The following COL24A1 variants were observed in gnomAD, a reference collection of about 807,000 sequenced individuals.
The protein encoded by COL24A1 is collagen type XXIV alpha 1 chain, also known as collagen alpha-1(XXIV) chain.
Under a neutral mutation model 253.9 loss-of-function variants are expected in COL24A1, and 224 were observed. The ratio of observed to expected loss-of-function variants is 0.88; its 90% CI spans 0.79 to 0.99. The LOEUF is 0.99. COL24A1 is among the 50% of genes least tolerant of loss of function. The probability of loss-of-function intolerance (pLI) is 0.00; values close to 1 mark genes in which losing one functional copy is unlikely to be tolerated. For synonymous variants in COL24A1, 685 were observed against 673.7 expected, an observed-to-expected ratio of 1.02 and a Z score of -0.26; for missense variants, 2,131 against 2,068.5, an observed-to-expected ratio of 1.03 and a Z score of -0.59.
intron 3 of COL24A1, among the ~76,000 whole-genome samples, chr1:86,116,769 C>G (rs1108308): frequency 6.6e-6 from 1 of 151,950 alleles, no homozygotes; most frequent in South Asian, 2.1e-4. Flanking sequence ...TTTAGTTGCA[C>G]TTTTTTCTCT....
intron 52 of COL24A1, among the ~76,000 whole-genome samples, chr1:85,776,225 T>A (rs1235688930): frequency 6.6e-6 from 1 of 152,198 alleles, no homozygotes; most frequent in East Asian, 1.9e-4. Flanking sequence ...TGTGATTTAA[T>A]TTTCAAGTGT....
At chr1:85,920,914 T>G (rs1686387432) in intron 24 of COL24A1, among the ~76,000 whole-genome samples, 1 of 149,550 alleles carries the variant, frequency 6.7e-6, no homozygotes, top group Admixed American at 6.6e-5. Flanking sequence ...GAAGATTCAT[T>G]GGAGGCAAGA....
chr1:85,744,088 T>C (rs761495669), intron 57 of COL24A1, among the ~76,000 whole-genome samples: 1 of 152,142 alleles, frequency 6.6e-6, no homozygotes, highest in Non-Finnish European at 1.5e-5. Flanking sequence ...GTTTCCCCTG[T>C]TTAACTGATG....
intron 2 of COL24A1, 21 bp from the exon 3 acceptor site, chr1:86,126,235 G>C: frequency 6.4e-7 from 1 of 1,551,248 alleles, no homozygotes. Flanking sequence ...AAAAAAGAGA[G>C]AGAGAAAGAA....
chr1:85,781,315 T>TAA (rs371624881), intron 51 of COL24A1, 42 bp from the exon 52 acceptor site: 2,427 of 1,064,422 alleles, frequency 2.3e-3, no homozygotes, highest in South Asian at 4.6e-3. Flanking sequence ...TTAGTATAAT[T>TAA]AAAAAAAAAA....
chr1:86,128,713 T>C (rs1161724157), intron 2 of COL24A1, among the ~76,000 whole-genome samples: 2 of 152,032 alleles, frequency 1.3e-5, no homozygotes, highest in Non-Finnish European at 2.9e-5. Context: ...ATTCTATTTT[T>C]AGTGGAGCTT....
intron 5 of COL24A1, among the ~76,000 whole-genome samples, chr1:86,108,685 T>C (rs1036267569): frequency 6.8e-6 from 1 of 146,364 alleles, no homozygotes; most frequent in Non-Finnish European, 1.5e-5. Context: ...CACATGCCTG[T>C]AACCCCAGCT....
intron 9 of COL24A1, 46 bp downstream of exon 9, chr1:86,059,075 A>T: frequency 7.5e-7 from 1 of 1,328,420 alleles, no homozygotes; most frequent in Non-Finnish European, 1.1e-6. Flanking sequence ...ACAATGTATT[A>T]ATAAATAGGA....
At chr1:85,978,848 T>A (rs1189929782) in intron 20 of COL24A1, among the ~76,000 whole-genome samples, 1 of 152,142 alleles carries the variant, frequency 6.6e-6, no homozygotes, top group Non-Finnish European at 1.5e-5. Context: ...ACTTAAAAGA[T>A]GTTTACAGAA....
In COL24A1 at chr1:85,734,878, T is replaced by C. The variant is rs2100815520; in HGVS notation, c.4869A>G (p.Leu1623=). Residue 1623 remains leucine (L), a synonymous_variant, in exon 59 of 60, where the codon CTA becomes CTG. Transcript: ENST00000370571. ...EATHIITIHC[L]NTPRWTSTQT... ...GTGTGCTTGTCCACCTTGGGGTGTT[T>C]AGACAGTGAATGGTGATGATATGGG... 6.2e-7 allele frequency: 1 copy of C among 1,614,212 alleles called. No individual in the cohort carries two copies. The highest frequency in any genetic ancestry group is 2.2e-5 in the East Asian group (1 of 44,890).
At chr1:85,765,228 T>C (rs895486413) in intron 53 of COL24A1, among the ~76,000 whole-genome samples, 1 of 152,188 alleles carries the variant, frequency 6.6e-6, no homozygotes, top group Non-Finnish European at 1.5e-5. Flanking sequence ...TGAAGACATA[T>C]TAACTTAGAG....
chr1:86,050,866 A>G lies in COL24A1; in HGVS notation c.1852-689T>C, dbSNP rs142908939. ...CACTTTATTCTAATGTAACTTAGTT[A>G]TATCTCACTTGTGGGAAATAACCCA... On this transcript the variant is annotated intron_variant, in intron 10 of 59. Transcript: ENST00000370571. Among the ~76,000 whole-genome samples, 373 of 152,296 alleles carry G rather than the reference A, an allele frequency of 2.4e-3. 10 individuals are homozygous for G. In the East Asian group the frequency reaches 0.046, roughly 19 times the overall value.
chr1:85,926,486 C>T (rs1687236582), intron 24 of COL24A1, among the ~76,000 whole-genome samples: 1 of 152,102 alleles, frequency 6.6e-6, no homozygotes, highest in Non-Finnish European at 1.5e-5. Flanking sequence ...TACTATGCAG[C>T]CATAAAAAGG....
chr1:86,150,108 T>C (rs1328087281), intron 1 of COL24A1, among the ~76,000 whole-genome samples: 1 of 152,168 alleles, frequency 6.6e-6, no homozygotes, highest in Non-Finnish European at 1.5e-5. Flanking sequence ...AGACCTTGTA[T>C]ATGTCTGAAA....
chr1:86,019,865 T>G (rs1005539742), intron 18 of COL24A1, among the ~76,000 whole-genome samples: 1 of 148,630 alleles, frequency 6.7e-6, no homozygotes, highest in Non-Finnish European at 1.5e-5. Context: ...GCATTTATTG[T>G]GACTTCTTTC....
At chr1:86,064,837 T>C (rs1487079367) in intron 7 of COL24A1, among the ~76,000 whole-genome samples, 2 of 152,152 alleles carry the variant, frequency 1.3e-5, no homozygotes, top group East Asian at 3.8e-4. Context: ...ATTTGAAAAC[T>C]AAAGGAATGA....
Position 86,033,876 on chromosome 1 carries a change from G to C in COL24A1, c.1998C>G (p.Gly666=). 4.4e-6 allele frequency: 7 copies of C among 1,603,446 alleles called. No homozygotes were observed. The highest frequency in any genetic ancestry group is 4.3e-6 in the Non-Finnish European group (5 of 1,175,706). Residue 666 remains glycine, a synonymous_variant, in exon 13 of 60, where the codon GGC becomes GGG. Transcript: ENST00000370571. ...FGDRGPAGLD[G]SPGLVGGTGP... ...ACCAACATAATGTACTCACAGGACT[G>C]CCATCAAGACCAGCAGGGCCTCTGT...
rs200616609 is a variant in COL24A1 at position 86,039,824 on chromosome 1, T to A, written c.1951-5901A>T. ...AAAATCCCTCAAATATAAAACAAGA[T>A]CACTACAGGAAGAGGCTGGAGTGTG... On this transcript the variant is annotated intron_variant, in intron 12 of 59. Coordinates refer to ENST00000370571, the MANE Select transcript of COL24A1 (RefSeq NM_152890.7). 1.2e-4 allele frequency among the ~76,000 whole-genome samples: 18 copies of A among 152,282 alleles called. No homozygotes were observed. In the East Asian group the frequency reaches 3.5e-3, roughly 29 times the overall value.
chr1:85,796,422 G>A (rs1570650715), intron 47 of COL24A1, among the ~76,000 whole-genome samples: 1 of 152,242 alleles, frequency 6.6e-6, no homozygotes, highest in Non-Finnish European at 1.5e-5. Flanking sequence ...GACTAACAGG[G>A]ACTGAAAGAA....
Sources: gnomAD v4.1 joint callset for allele counts (sites outside exome capture counted in the v4.1 genomes callset) on GRCh38, gnomAD v4.1.1 for gene constraint, MANE v1.5 for transcripts, NCBI Gene and HGNC (gene_info 2026-07-23, HGNC 2026-07-21) for gene names.